The following BMS1 variants were observed in gnomAD, a reference collection of about 807,000 sequenced individuals.
BMS1 encodes the protein BMS1 ribosome biogenesis factor.
Under a neutral mutation model 138.7 loss-of-function variants are expected in BMS1, and 53 were observed. That is an observed-to-expected ratio of 0.38 (90% CI 0.31 to 0.48). The LOEUF (loss-of-function observed/expected upper bound fraction) is 0.48. Among genes scored for constraint, BMS1 ranks in the 20% least tolerant of loss-of-function variants. The pLI is 0.97. For synonymous variants in BMS1, 504 were observed against 539.9 expected (o/e 0.93, Z 0.92); for missense variants, 1,360 against 1,565.5 (o/e 0.87, Z 2.22).
chr10:42,801,643 T>C (rs1841878494), intron 12 of BMS1, among the ~76,000 whole-genome samples: 1 of 152,254 alleles, frequency 6.6e-6, no homozygotes, highest in African/African-American at 2.4e-5. Context: ...TTGTACATAT[T>C]CTTCATATTG....
At chr10:42,788,785 T>C (rs980875263) in intron 4 of BMS1, among the ~76,000 whole-genome samples, 4 of 152,202 alleles carry the variant, frequency 2.6e-5, no homozygotes, top group Admixed American at 2.0e-4. Flanking sequence ...TCTTTTTCCT[T>C]AGTATAACCG....
chr10:42,815,821 T>C (rs984200006), intron 13 of BMS1, among the ~76,000 whole-genome samples: 32 of 152,376 alleles, frequency 2.1e-4, no homozygotes, highest in African/African-American at 7.7e-4. Flanking sequence ...TTTGGGGCTC[T>C]ACTCTTAATC....
At chr10:42,793,328 A>G (rs1261648864) in intron 8 of BMS1, among the ~76,000 whole-genome samples, 184 bp downstream of exon 8, 4 of 151,552 alleles carry the variant, frequency 2.6e-5, no homozygotes, top group Non-Finnish European at 4.4e-5. Flanking sequence ...TTTTCATTGT[A>G]CCAAGCAGAA....
rs1234852852 is a variant in BMS1 at position 42,820,229 on chromosome 10, T to C, written c.2581-7T>C. ...ATACAGGTTTTTTTATTCCCCATCA[T>C]GTACAGCTGAATCGCGCAGAATTTG... is the stretch of plus-strand genomic sequence containing the variant. On this transcript the variant is annotated splice_polypyrimidine_tract_variant and splice_region_variant and intron_variant, in intron 15 of 22. Coordinates refer to ENST00000374518, the MANE Select transcript of BMS1 (RefSeq NM_014753.4). 3 of 1,609,924 alleles carry C rather than the reference T, an allele frequency of 1.9e-6. No homozygotes were observed. The highest frequency in any genetic ancestry group is 2.2e-5 in the East Asian group (1 of 44,884).
At chr10:42,814,506 G>T (rs1185874283) in intron 13 of BMS1, among the ~76,000 whole-genome samples, 1 of 152,162 alleles carries the variant, frequency 6.6e-6, no homozygotes, top group Non-Finnish European at 1.5e-5. Context: ...CATAGGATTT[G>T]TAGTTGCTTG....
At chr10:42,814,539 G>GTTAT (rs949111086) in intron 13 of BMS1, among the ~76,000 whole-genome samples, 2 of 152,212 alleles carry the variant, frequency 1.3e-5, no homozygotes, top group African/African-American at 4.8e-5. Context: ...TATGCTGACT[G>GTTAT]TTATAAGTGA....
At chr10:42,794,796 G>A (rs1218366763) in intron 9 of BMS1, among the ~76,000 whole-genome samples, 2 of 149,270 alleles carry the variant, frequency 1.3e-5, no homozygotes, top group African/African-American at 5.0e-5. Flanking sequence ...AAGTTTTAGG[G>A]TACATGTGCA....
intron 2 of BMS1, among the ~76,000 whole-genome samples, chr10:42,785,139 G>A (rs750249534): frequency 7.9e-5 from 12 of 152,156 alleles, no homozygotes; most frequent in Non-Finnish European, 1.5e-4. Flanking sequence ...CTGCTATGAT[G>A]TACTGCCTCG....
intron 19 of BMS1, 51 bp from the exon 20 acceptor site, chr10:42,823,067 A>G (rs377624099): frequency 7.1e-7 from 1 of 1,402,062 alleles, no homozygotes; most frequent in Non-Finnish European, 9.3e-7. Flanking sequence ...GAAGTAAAGC[A>G]TAAAGTATAT....
At chr10:42,786,003 G>A (rs187714597) in intron 3 of BMS1, among the ~76,000 whole-genome samples, 10 of 152,104 alleles carry the variant, frequency 6.6e-5, no homozygotes, top group Middle Eastern at 3.4e-3. Context: ...AAGGATGTGT[G>A]GTCCAGCCTC....
At chr10:42,828,287 C>G (rs1391969988) in intron 21 of BMS1, among the ~76,000 whole-genome samples, 1 of 152,232 alleles carries the variant, frequency 6.6e-6, no homozygotes, top group Non-Finnish European at 1.5e-5. Context: ...CTATGGCAGA[C>G]ATTGATTTAT....
Position 42,830,262 on chromosome 10 carries a change from C to G in BMS1, c.3458C>G (p.Pro1153Arg), listed in dbSNP as rs762101122. ...LKANKDSLYK[P>R]ILRQKKHFNS... ...CACAGTCTTTGTTTTTCTTTTCAGC[C>G]AATCCTGAGGCAAAAGAAACATTTT... is the stretch of plus-strand genomic sequence containing the variant. Residue 1153 changes from proline (P) to arginine (R), a missense_variant and splice_region_variant, in exon 22 of 23, where the codon CCA (proline) becomes CGA (arginine). Pro to Arg is a moderately radical substitution (Grantham distance 103). Coordinates refer to ENST00000374518, the MANE Select transcript of BMS1 (RefSeq NM_014753.4). 3.7e-6 allele frequency: 6 copies of G among 1,610,162 alleles called. No individual in the cohort carries two copies. The African/African-American group carries it at 8.0e-5, about 22-fold the overall frequency.
chr10:42,825,155 C>T (rs1312455694), intron 21 of BMS1, among the ~76,000 whole-genome samples: 1 of 152,114 alleles, frequency 6.6e-6, no homozygotes, highest in Non-Finnish European at 1.5e-5. Flanking sequence ...ACTACAGGCA[C>T]GTGCCACTAT....
intron 7 of BMS1, 119 bp from the exon 8 acceptor site, chr10:42,792,838 C>T: frequency 1.5e-6 from 2 of 1,328,258 alleles, no homozygotes; most frequent in Non-Finnish European, 2.1e-6. Context: ...GGCACAATGC[C>T]CTTCTTTAGT....
At chr10:42,806,465 A>G (rs1412958228) in intron 13 of BMS1, among the ~76,000 whole-genome samples, 1 of 152,216 alleles carries the variant, frequency 6.6e-6, no homozygotes, top group Non-Finnish European at 1.5e-5. Context: ...GGCTGGGCAC[A>G]GTGGCTGACG....
chr10:42,792,743 C>T, intron 7 of BMS1, 129 bp downstream of exon 7: 2 of 1,443,084 alleles, frequency 1.4e-6, no homozygotes, highest in East Asian at 2.3e-5. Context: ...AAGTAAGCCA[C>T]CTATGTGTAG....
chr10:42,822,338 T>C (rs1311690077), intron 19 of BMS1, among the ~76,000 whole-genome samples, 154 bp downstream of exon 19: 1 of 152,258 alleles, frequency 6.6e-6, no homozygotes, highest in Non-Finnish European at 1.5e-5. Flanking sequence ...TATTCTGTGT[T>C]ACTTAAATAT....
intron 3 of BMS1, among the ~76,000 whole-genome samples, chr10:42,786,603 T>TC (rs1841337844): frequency 6.6e-6 from 1 of 151,514 alleles, no homozygotes; most frequent in East Asian, 1.9e-4. Context: ...TTTTTTTTTT[T>TC]CTGTAGAGAT....
rs750557445 is a variant in BMS1 at position 42,797,518 on chromosome 10, G to C, written c.2084G>C (p.Gly695Ala). ...CCAAACCTCCGAAAGCTTATTTATG[G>C]GACAGGTAAAGAATTCTGGTTCAGA... The part of the protein sequence containing the change: ...AAPNLRKLIY[G>A]TVTEDNEEED... Residue 695 changes from glycine to alanine, a missense_variant, in exon 11 of 23, where the codon GGG becomes GCG. This residue lies in a region of BMS1 where 697 missense variants were observed against 686.2 expected (regional missense o/e 1.02). Coordinates refer to ENST00000374518, the MANE Select transcript of BMS1 (RefSeq NM_014753.4). 1 of 1,613,984 alleles carries C rather than the reference G, an allele frequency of 6.2e-7. No homozygotes were observed. The highest frequency in any genetic ancestry group is 1.3e-5 in the African/African-American group (1 of 75,032).
Sources: gnomAD v4.1 joint callset for allele counts (sites outside exome capture counted in the v4.1 genomes callset) on GRCh38, gnomAD v4.1.1 for gene constraint, gnomAD v4.1.1 regional missense constraint, MANE v1.5 for transcripts, NCBI Gene and HGNC (gene_info 2026-07-23, HGNC 2026-07-21) for gene names.